RAB38: variants seen among roughly 807,000 people sequenced by gnomAD.
The protein encoded by RAB38 is ras-related protein Rab-38.
A neutral mutation model predicts 18.4 loss-of-function variants in RAB38; 15 were observed. The ratio of observed to expected loss-of-function variants is 0.82; its 90% CI spans 0.55 to 1.26. The LOEUF (loss-of-function observed/expected upper bound fraction) is 1.26, where lower values mean the gene tolerates loss of function less well. RAB38 is among the 50% of genes most tolerant of loss of function. RAB38 has a pLI of 0.00. For synonymous variants in RAB38, 101 were observed against 104.4 expected (o/e 0.97, Z 0.20); for missense variants, 294 against 267.4 (o/e 1.10, Z -0.69).
At chr11:88,111,814 T>C (rs539050403), downstream of RAB38, among the ~76,000 whole-genome samples, 7 of 152,336 alleles carry the variant, frequency 4.6e-5, no homozygotes, top group South Asian at 1.4e-3. Context: ...AGTAAAGTGA[T>C]TGTCTTCTAG....
chr11:88,031,243 C>T, the RAB38 span, among the ~76,000 whole-genome samples: 2 of 152,030 alleles, frequency 1.3e-5, no homozygotes, highest in African/African-American at 4.8e-5. Flanking sequence ...ATAATAAGAG[C>T]TATCTATGAC....
At chr11:87,822,914 T>C in the RAB38 span, among the ~76,000 whole-genome samples, 1 of 152,214 alleles carries the variant, frequency 6.6e-6, no homozygotes, top group Non-Finnish European at 1.5e-5. Context: ...TAGAATCAGG[T>C]AAAATAGACA....
the RAB38 span, among the ~76,000 whole-genome samples, chr11:87,924,285 G>A: frequency 6.6e-6 from 1 of 151,954 alleles, no homozygotes; most frequent in Non-Finnish European, 1.5e-5. Flanking sequence ...CCCTTTCCCA[G>A]GTCACACTGA....
At chr11:87,931,370 C>T in the RAB38 span, among the ~76,000 whole-genome samples, 12 of 152,076 alleles carry the variant, frequency 7.9e-5, no homozygotes, top group Middle Eastern at 3.4e-3. Flanking sequence ...ATTGCAAGTA[C>T]GAGAAGAAAG....
At chr11:88,117,894 C>A (rs1051421918) in intron 2 of RAB38, among the ~76,000 whole-genome samples, 2 of 152,130 alleles carry the variant, frequency 1.3e-5, no homozygotes, top group African/African-American at 4.8e-5. Context: ...TGTATATTCT[C>A]CTCATACAAG....
chr11:87,811,803 A>G, the RAB38 span, among the ~76,000 whole-genome samples: 2 of 152,202 alleles, frequency 1.3e-5, no homozygotes, highest in South Asian at 2.1e-4. Context: ...CATATTTTAT[A>G]TATTAAGTAC....
the RAB38 span, among the ~76,000 whole-genome samples, chr11:87,820,720 A>G: frequency 6.6e-6 from 1 of 152,256 alleles, no homozygotes; most frequent in African/African-American, 2.4e-5. Context: ...ACAAAATTTT[A>G]TAAAATCATC....
the RAB38 span, among the ~76,000 whole-genome samples, chr11:88,052,901 CATATATATATATATATATATATATAT>C: frequency 3.7e-4 from 8 of 21,524 alleles, no homozygotes; most frequent in South Asian, 5.4e-3. Flanking sequence ...GAAAAAATTT[CATATATATATATATATATATATATAT>C]ATATATATAT....
chr11:87,867,882 C>T, the RAB38 span, among the ~76,000 whole-genome samples: 6 of 151,634 alleles, frequency 4.0e-5, no homozygotes, highest in East Asian at 1.9e-4. Flanking sequence ...AGCTAGTAAA[C>T]GGCAGAGATA....
the RAB38 span, among the ~76,000 whole-genome samples, chr11:87,884,312 G>A: frequency 6.6e-6 from 1 of 151,984 alleles, no homozygotes; most frequent in Non-Finnish European, 1.5e-5. Flanking sequence ...AGTAAAGGAA[G>A]GCAGGATTCC....
the RAB38 span, chr11:88,097,825 G>C: frequency 6.6e-6 from 1 of 151,884 alleles, no homozygotes; most frequent in Non-Finnish European, 1.5e-5. Flanking sequence ...GGAAAACAGA[G>C]GTCTTAATTC....
chr11:87,860,075 G>T, the RAB38 span, among the ~76,000 whole-genome samples: 1 of 151,960 alleles, frequency 6.6e-6, no homozygotes, highest in Admixed American at 6.6e-5. Flanking sequence ...TTAGCAGGGC[G>T]ATGGAGGAGA....
the RAB38 span, among the ~76,000 whole-genome samples, chr11:87,906,458 G>A: frequency 6.6e-6 from 1 of 151,902 alleles, no homozygotes; most frequent in Non-Finnish European, 1.5e-5. Context: ...TAATTGTTGT[G>A]AGGTTTAGAA....
chr11:88,040,515 G>C, the RAB38 span, among the ~76,000 whole-genome samples: 7 of 152,238 alleles, frequency 4.6e-5, no homozygotes, highest in South Asian at 1.5e-3. Context: ...AGATCAGCCT[G>C]GGTAACATGG....
At chr11:88,156,982 C>T (rs1943135121) in intron 1 of RAB38, among the ~76,000 whole-genome samples, 1 of 152,136 alleles carries the variant, frequency 6.6e-6, no homozygotes, top group South Asian at 2.1e-4. Flanking sequence ...AAGATCATAA[C>T]CTCACATATA....
intron 2 of RAB38, among the ~76,000 whole-genome samples, chr11:88,144,780 G>T (rs374334684): frequency 2.0e-5 from 3 of 151,942 alleles, no homozygotes; most frequent in Non-Finnish European, 2.9e-5. Flanking sequence ...GAGTAGGACT[G>T]GGATAGGGGA....
At chr11:88,073,987 G>GA in the RAB38 span, among the ~76,000 whole-genome samples, 67 of 144,586 alleles carry the variant, frequency 4.6e-4, 1 homozygote, top group African/African-American at 1.5e-3. Flanking sequence ...ACAGTCAAAG[G>GA]AGAAAAAAAA....
chr11:87,820,963 A>G, the RAB38 span, among the ~76,000 whole-genome samples: 1 of 152,182 alleles, frequency 6.6e-6, no homozygotes, highest in Non-Finnish European at 1.5e-5. Flanking sequence ...AATGAGATGG[A>G]ATATTTAAAA....
At chr11:87,824,614 G>C in the RAB38 span, among the ~76,000 whole-genome samples, 2 of 152,110 alleles carry the variant, frequency 1.3e-5, no homozygotes, top group South Asian at 2.1e-4. Context: ...GATTAAGAGA[G>C]AGCTTCTGGA....
Sources: gnomAD v4.1 joint callset for allele counts (sites outside exome capture counted in the v4.1 genomes callset) on GRCh38, gnomAD v4.1.1 for gene constraint, MANE v1.5 for transcripts, NCBI Gene and HGNC (gene_info 2026-07-23, HGNC 2026-07-21) for gene names.